Variants in ZZEF1 observed in about 807,000 individuals in gnomAD.
ZZEF1 encodes the protein zinc finger ZZ-type and EF-hand domain-containing protein 1.
In ZZEF1, 157 loss-of-function variants were observed where a neutral mutation model predicts 342.8. The ratio of observed to expected loss-of-function variants is 0.46; its 90% CI spans 0.40 to 0.52. ZZEF1 has a LOEUF of 0.52. Ranked by LOEUF, ZZEF1 falls within the 20% of genes least tolerant of loss-of-function variation. The probability of loss-of-function intolerance (pLI) is 0.00; values close to 1 mark genes in which losing one functional copy is unlikely to be tolerated. For missense variants in ZZEF1, 3,480 were observed against 3,725.6 expected (o/e 0.93, Z 1.72); for synonymous variants, 1,505 against 1,429.1 (o/e 1.05, Z -1.20).
intron 53 of ZZEF1, 33 bp downstream of exon 53, chr17:4,009,571 C>T (rs2055891714): frequency 6.2e-7 from 1 of 1,611,042 alleles, no homozygotes; most frequent in Non-Finnish European, 8.5e-7. Flanking sequence ...CACATGGAGG[C>T]ACCGGGCTCC....
At chr17:4,138,812 A>G (rs2058795335) in intron 1 of ZZEF1, among the ~76,000 whole-genome samples, 1 of 152,262 alleles carries the variant, frequency 6.6e-6, no homozygotes, top group African/African-American at 2.4e-5. Context: ...ATGTGAAATA[A>G]GAACTTAATT....
chr17:4,034,906 G>A (rs920624252), intron 39 of ZZEF1, among the ~76,000 whole-genome samples: 3 of 152,202 alleles, frequency 2.0e-5, no homozygotes, highest in Admixed American at 6.5e-5. Context: ...GCTGAGGTGA[G>A]AGGATTGCTT....
chr17:4,132,883 A>G lies in ZZEF1; in HGVS notation c.355-8832T>C, dbSNP rs536199168. 8.0e-4 allele frequency among the ~76,000 whole-genome samples: 122 copies of G among 152,158 alleles called. 1 individual carries two copies. The highest frequency in any genetic ancestry group is 5.0e-3 in the South Asian group (24 of 4,810). On this transcript the variant is annotated intron_variant, in intron 1 of 54. Coordinates refer to ENST00000381638, the MANE Select transcript of ZZEF1 (RefSeq NM_015113.4). Reference sequence around the variant, plus strand: ...CGGGAGACTGAGGCAGGAGAATGGCATGAACCTGGGAGGTGGAGCTTGCAG... The same window carrying G: ...CGGGAGACTGAGGCAGGAGAATGGCGTGAACCTGGGAGGTGGAGCTTGCAG...
At chr17:4,082,335 G>C in intron 17 of ZZEF1, 102 bp downstream of exon 17, 1 of 1,090,270 alleles carries the variant, frequency 9.2e-7, no homozygotes, top group Non-Finnish European at 1.4e-6. Flanking sequence ...CTGAGTGGCA[G>C]GAAGTACTAC....
Position 4,016,260 on chromosome 17 carries a change from G to C in ZZEF1, c.8145+63C>G. On this transcript the variant is annotated intron_variant, in intron 49 of 54. Coordinates refer to ENST00000381638, the MANE Select transcript of ZZEF1 (RefSeq NM_015113.4). The surrounding 1 kb of genome is among the most constrained non-coding windows in gnomAD (Gnocchi z 4.4). ...GCTGAGCATGGAGGGGCTGAGCACG[G>C]AGGGGCTGACGAGGTCTCTGCGGCT... is the stretch of plus-strand genomic sequence containing the variant. The C allele has an allele frequency of 6.4e-7, 1 of 1,556,498 alleles. No individual in the cohort carries two copies. Among genetic ancestry groups the C allele is most frequent in the Non-Finnish European group, 8.7e-7 (1 of 1,155,674 alleles).
chr17:4,052,635 G>A (rs892466820), intron 34 of ZZEF1, among the ~76,000 whole-genome samples: 25 of 152,234 alleles, frequency 1.6e-4, no homozygotes, highest in Admixed American at 3.3e-4. Context: ...GGGAGGCCGA[G>A]GCAGGCAGAT....
intron 11 of ZZEF1, among the ~76,000 whole-genome samples, chr17:4,095,125 C>T (rs370882903): frequency 4.6e-5 from 7 of 152,196 alleles, no homozygotes; most frequent in Non-Finnish European, 1.0e-4. Context: ...CTCAGCAATG[C>T]GGGACCTGCC....
At chr17:4,095,676 C>G (rs998998249) in intron 11 of ZZEF1, among the ~76,000 whole-genome samples, 155 bp downstream of exon 11, 1 of 152,134 alleles carries the variant, frequency 6.6e-6, no homozygotes, top group Non-Finnish European at 1.5e-5. Context: ...TACTAGAAAG[C>G]AATGAAGGCT....
At chr17:4,140,422 C>A (rs1048491928) in intron 1 of ZZEF1, among the ~76,000 whole-genome samples, 1 of 152,130 alleles carries the variant, frequency 6.6e-6, no homozygotes, top group Non-Finnish European at 1.5e-5. Flanking sequence ...AGGTTAAATA[C>A]ACTTGCTATT....
intron 37 of ZZEF1, among the ~76,000 whole-genome samples, chr17:4,049,417 T>C (rs1316032919): frequency 6.6e-6 from 1 of 151,948 alleles, no homozygotes; most frequent in African/African-American, 2.4e-5. Context: ...AAGGATGAAG[T>C]GGGAGGATCA....
At chr17:4,057,185 C>T (rs1027326058) in intron 32 of ZZEF1, among the ~76,000 whole-genome samples, 3 of 152,182 alleles carry the variant, frequency 2.0e-5, no homozygotes, top group Non-Finnish European at 4.4e-5. Context: ...GGAGACAAAG[C>T]GAGAAACCGC....
intron 5 of ZZEF1, 82 bp downstream of exon 5, chr17:4,112,527 A>C (rs2058330569): frequency 1.4e-6 from 2 of 1,406,968 alleles, no homozygotes; most frequent in Non-Finnish European, 2.0e-6. Flanking sequence ...ACCGAATCTC[A>C]AAAACTAACA....
At position 4,096,682 on chromosome 17, in the gene ZZEF1, CCA is replaced by C; in HGVS notation, c.1689_1690del (p.Gly564LysfsTer13). ...AAAAATAGTGCTGGCTCTGGTTTTT[CCA>C]GTTTCCGTAAGAAAACCTGAAAAAA... On this transcript the variant is annotated frameshift_variant, in exon 10 of 55. Coordinates refer to ENST00000381638, the MANE Select transcript of ZZEF1 (RefSeq NM_015113.4). LOFTEE classifies it high-confidence loss of function. 6.2e-7 allele frequency: 1 copy of C among 1,613,928 alleles called. No homozygotes were observed. Among genetic ancestry groups the C allele is most frequent in the Non-Finnish European group, 8.5e-7 (1 of 1,179,924 alleles).
chr17:4,086,501 TG>T lies in ZZEF1; in HGVS notation c.2496del (p.Tyr832Ter), dbSNP rs1246266691. Reference sequence around the variant, plus strand: ...AAATCCCTACCATCACACAAGTGTGTGTACAGCTCCTTGGCAGCCTCTACTC... The same window carrying T: ...AAATCCCTACCATCACACAAGTGTGTTACAGCTCCTTGGCAGCCTCTACTC... ...PKGVEAAKELYTHLCDVVDKV... is the reference protein window; with the variant it reads ...PKGVEAAKELXTHLCDVVDKV... On this transcript the variant is annotated frameshift_variant, in exon 15 of 55. Coordinates refer to ENST00000381638, the MANE Select transcript of ZZEF1 (RefSeq NM_015113.4). LOFTEE classifies it high-confidence loss of function. The T allele has an allele frequency of 6.2e-7, 1 of 1,614,082 alleles. No homozygotes were observed. Among genetic ancestry groups the T allele is most frequent in the African/African-American group, 1.3e-5 (1 of 74,932 alleles).
At chr17:4,137,602 T>A (rs138187943) in intron 1 of ZZEF1, among the ~76,000 whole-genome samples, 2 of 152,042 alleles carry the variant, frequency 1.3e-5, no homozygotes, top group African/African-American at 2.4e-5. Context: ...ACAGAGACTC[T>A]GTCTCAAAAT....
Position 4,016,518 on chromosome 17 carries a change from A to C in ZZEF1, c.8002-52T>G. ...AGGGCCTGCAAGTGGCATCAGGAAG[A>C]AGGGACAGTTTACTTCAACCCAAGC... On this transcript the variant is annotated intron_variant, in intron 48 of 54. Transcript: ENST00000381638. This position sits in a 1 kb window ranked among gnomAD's most constrained non-coding sequence, Gnocchi z 4.4. The C allele has an allele frequency of 1.3e-6, 2 of 1,563,896 alleles. No individual in the cohort carries two copies. Among genetic ancestry groups the C allele is most frequent in the Non-Finnish European group, 1.7e-6 (2 of 1,163,386 alleles).
rs149390884 is a variant in ZZEF1 at position 4,098,365 on chromosome 17, T to C, written c.1673-1665A>G. Among the ~76,000 whole-genome samples, 347 of 152,016 alleles carry C rather than the reference T, an allele frequency of 2.3e-3. 2 individuals carry two copies. The highest frequency in any genetic ancestry group is 8.1e-3 in the African/African-American group (335 of 41,466). On this transcript the variant is annotated intron_variant, in intron 9 of 54. Coordinates refer to ENST00000381638, the MANE Select transcript of ZZEF1 (RefSeq NM_015113.4). The stretch of plus-strand genomic sequence containing the variant: ...AGGTGGAGGTTGCAGTGAGCTATCA[T>C]CACAACACTTCACTCCAGTCTGGGC...
intron 44 of ZZEF1, among the ~76,000 whole-genome samples, chr17:4,022,237 T>C (rs553917680): frequency 1.3e-5 from 2 of 152,286 alleles, no homozygotes; most frequent in East Asian, 1.9e-4. Context: ...GGGCCGAAAG[T>C]TGGCACTGGG....
In ZZEF1 at chr17:4,034,030, G is replaced by T; in HGVS notation, c.6569C>A (p.Ala2190Asp). The T allele has an allele frequency of 4.3e-6, 7 of 1,614,104 alleles. No homozygotes were observed. Among genetic ancestry groups the T allele is most frequent in the Non-Finnish European group, 5.9e-6 (7 of 1,180,034 alleles). Residue 2190 changes from alanine (A) to aspartate (D), a missense_variant, in exon 40 of 55, where the codon GCT (alanine) becomes GAT (aspartate). Ala to Asp is a moderately radical substitution (Grantham distance 126, BLOSUM62 -2). This residue lies in a region of ZZEF1 where 1,269 missense variants were observed against 1,342.4 expected (regional missense o/e 0.95). Coordinates refer to ENST00000381638, the MANE Select transcript of ZZEF1 (RefSeq NM_015113.4). ...KTTHLLFSLG[A>D]VCLDSRVGLD... ...CCAAGGCTACCTGTCCAGACACACA[G>T]CTCCCAGGCTAAAGAGCAGGTGGGT...
Sources: gnomAD v4.1 joint callset for allele counts (sites outside exome capture counted in the v4.1 genomes callset) on GRCh38, gnomAD v4.1.1 for gene constraint, gnomAD v4.1.1 regional missense constraint, Gnocchi (gnomAD v3.1) non-coding constraint, MANE v1.5 for transcripts, NCBI Gene and HGNC (gene_info 2026-07-23, HGNC 2026-07-21) for gene names.